The following UIMC1 variants were observed in gnomAD, a reference collection of about 807,000 sequenced individuals.
UIMC1 encodes BRCA1-A complex subunit RAP80.
In UIMC1, 42 loss-of-function variants were observed where a neutral mutation model predicts 84.9. The observed-to-expected ratio is 0.49, with a 90% CI of 0.39 to 0.64. The LOEUF is 0.64. Ranked by LOEUF, UIMC1 falls within the 30% of genes least tolerant of loss-of-function variation. UIMC1 has a pLI of 0.00. For missense variants in UIMC1, 825 were observed against 847.6 expected (o/e 0.97, Z 0.33); for synonymous variants, 281 against 293.0 (o/e 0.96, Z 0.42).
chr5:177,004,607 A>AAT (rs567652987), intron 1 of UIMC1, among the ~76,000 whole-genome samples: 38 of 152,348 alleles, frequency 2.5e-4, no homozygotes, highest in Non-Finnish European at 4.4e-4. Context: ...AAGGAACAAA[A>AAT]TGTCTCCAGA....
chr5:176,975,508 T>G (rs758342934), intron 2 of UIMC1, 28 bp from the exon 3 acceptor site: 1 of 1,610,902 alleles, frequency 6.2e-7, no homozygotes. Flanking sequence ...ATATCATCAG[T>G]GTGGCTGCCA....
At chr5:177,011,426 T>C (rs1212500778), upstream of UIMC1, among the ~76,000 whole-genome samples, 1 of 150,960 alleles carries the variant, frequency 6.6e-6, no homozygotes, top group Non-Finnish European at 1.5e-5. Flanking sequence ...TATAAAAACA[T>C]TTAAAATTTA....
chr5:176,937,253 T>G (rs1291568694), intron 10 of UIMC1, among the ~76,000 whole-genome samples: 3 of 152,058 alleles, frequency 2.0e-5, no homozygotes, highest in Non-Finnish European at 4.4e-5. Flanking sequence ...TCTCAGCACT[T>G]AGGGAGGCCG....
At chr5:176,979,540 T>A (rs1770687665) in intron 2 of UIMC1, among the ~76,000 whole-genome samples, 1 of 150,736 alleles carries the variant, frequency 6.6e-6, no homozygotes, top group Non-Finnish European at 1.5e-5. Flanking sequence ...GAGGCGGACG[T>A]CGCAGTGAGC....
chr5:176,978,567 C>CA (rs907092588), intron 2 of UIMC1, among the ~76,000 whole-genome samples: 2 of 151,204 alleles, frequency 1.3e-5, no homozygotes, highest in South Asian at 2.1e-4. Flanking sequence ...TAGCGCCCCC[C>CA]AAAAAAAACT....
At chr5:176,998,065 C>T (rs1773888604) in intron 1 of UIMC1, among the ~76,000 whole-genome samples, 1 of 152,108 alleles carries the variant, frequency 6.6e-6, no homozygotes, top group South Asian at 2.1e-4. Flanking sequence ...ATTACACACT[C>T]ATTTGCGTGA....
intron 10 of UIMC1, among the ~76,000 whole-genome samples, chr5:176,932,603 G>A (rs1193698833): frequency 6.6e-6 from 1 of 152,174 alleles, no homozygotes; most frequent in African/African-American, 2.4e-5. Flanking sequence ...GGGAGGGAAA[G>A]TGCTTGCTCT....
At chr5:176,956,433 C>G (rs978924068) in intron 7 of UIMC1, among the ~76,000 whole-genome samples, 1 of 152,198 alleles carries the variant, frequency 6.6e-6, no homozygotes, top group Admixed American at 6.5e-5. Context: ...AGAGAAGACA[C>G]AGAGATTCTT....
In UIMC1 at chr5:176,969,695, A is replaced by G; in HGVS notation, c.369T>C (p.Pro123=). ...GAGATCTGGTAGCGGAAGCATCAGA[A>G]GGCCGGCAACTCTGAAACAAGTGAT... The part of the protein sequence containing the change: ...AIAESLNSCR[P]SDASATRSRP... The change falls in exon 5 of 15, where the codon CCT becomes CCC. Residue 123 remains proline, a synonymous_variant. Coordinates refer to ENST00000511320, the MANE Select transcript of UIMC1 (RefSeq NM_001199298.2). The G allele has an allele frequency of 6.2e-7, 1 of 1,614,130 alleles. No individual in the cohort carries two copies. Among genetic ancestry groups the G allele is most frequent in the Non-Finnish European group, 8.5e-7 (1 of 1,180,012 alleles).
chr5:176,906,233 G>A (rs1362257812), intron 13 of UIMC1, 186 bp from the exon 14 acceptor site: 1 of 564,898 alleles, frequency 1.8e-6, no homozygotes, highest in Middle Eastern at 3.1e-4. Context: ...AGCTGCAGGG[G>A]CACTCAGATG....
At chr5:176,929,340 GATC>G (rs1762801847) in intron 10 of UIMC1, among the ~76,000 whole-genome samples, 1 of 151,414 alleles carries the variant, frequency 6.6e-6, no homozygotes, top group Non-Finnish European at 1.5e-5. Flanking sequence ...GAGGTGGGAG[GATC>G]ATGAGGTCAG....
intron 1 of UIMC1, among the ~76,000 whole-genome samples, chr5:177,021,900 C>G (rs11953914): frequency 0.13 from 20,061 of 152,158 alleles, 3,125 homozygotes; most frequent in African/African-American, 0.37. Context: ...ATCCGCCCCC[C>G]CTTAGCCTCC....
At chr5:176,984,157 G>A (rs1165068796) in intron 1 of UIMC1, among the ~76,000 whole-genome samples, 1 of 116,316 alleles carries the variant, frequency 8.6e-6, no homozygotes, top group South Asian at 3.2e-4. Flanking sequence ...CGCCCTGTCT[G>A]GGAAGTGAGG....
intron 10 of UIMC1, among the ~76,000 whole-genome samples, chr5:176,925,755 C>G (rs965361336): frequency 6.6e-6 from 1 of 151,968 alleles, no homozygotes; most frequent in African/African-American, 2.4e-5. Context: ...ACAGTGGTTG[C>G]CTTTAGGGGG....
rs796147952 is a variant in UIMC1 at position 176,940,108 on chromosome 5, G to A, written c.1597+3227C>T. On this transcript the variant is annotated intron_variant, in intron 10 of 14. Coordinates refer to ENST00000511320, the MANE Select transcript of UIMC1 (RefSeq NM_001199298.2). The stretch of plus-strand genomic sequence containing the variant: ...CCCACCTAAATGGCCTGGTTCTAGT[G>A]GCATAAGTCTGAAAATTGGTTTGAG... Among the ~76,000 whole-genome samples, 17 of 152,230 alleles carry A rather than the reference G, an allele frequency of 1.1e-4. No individual in the cohort carries two copies. The South Asian group carries it at 2.9e-3, about 26-fold the overall frequency.
intron 11 of UIMC1, among the ~76,000 whole-genome samples, chr5:176,910,343 G>C (rs1759956095): frequency 1.3e-5 from 2 of 152,198 alleles, no homozygotes; most frequent in African/African-American, 4.8e-5. Context: ...CTTTCAGGAG[G>C]AAGCACCTTT....
At chr5:177,005,350 T>C (rs1179923750) in intron 1 of UIMC1, among the ~76,000 whole-genome samples, 1 of 152,048 alleles carries the variant, frequency 6.6e-6, no homozygotes, top group East Asian at 1.9e-4. Context: ...GCTGGGAGTA[T>C]AGGAGTGAGC....
At chr5:176,971,282 A>G (rs1769160452) in intron 3 of UIMC1, among the ~76,000 whole-genome samples, 1 of 152,238 alleles carries the variant, frequency 6.6e-6, no homozygotes, top group Admixed American at 6.5e-5. Flanking sequence ...TACTCTTCAG[A>G]ATCCTCTGAT....
chr5:177,003,643 A>C (rs776160533), intron 1 of UIMC1, among the ~76,000 whole-genome samples: 5 of 151,644 alleles, frequency 3.3e-5, no homozygotes, highest in Non-Finnish European at 5.9e-5. Context: ...ACAGAATGAG[A>C]CTCTGTCTCA....
Sources: allele counts gnomAD v4.1 joint callset (sites outside exome capture counted in the v4.1 genomes callset), GRCh38; gene constraint gnomAD v4.1.1; transcripts MANE v1.5; gene names NCBI Gene and HGNC (gene_info 2026-07-23, HGNC 2026-07-21).